The following ANPEP variants were observed in gnomAD, a reference collection of about 807,000 sequenced individuals.
ANPEP encodes alanyl aminopeptidase, membrane.
Under a neutral mutation model 114.6 loss-of-function variants are expected in ANPEP, and 70 were observed. The observed-to-expected ratio is 0.61, with a 90% CI of 0.50 to 0.75. ANPEP has a LOEUF of 0.75. Ranked by LOEUF, ANPEP falls within the 30% of genes least tolerant of loss-of-function variation. The pLI is 0.00. For missense variants in ANPEP, 1,184 were observed against 1,259.5 expected (o/e 0.94, Z 0.91); for synonymous variants, 548 against 522.3 (o/e 1.05, Z -0.67).
intron 10 of ANPEP, chr15:89,802,653 G>A (rs544941943): frequency 3.6e-4 from 59 of 164,170 alleles, no homozygotes. Flanking sequence ...AATGATGGGG[G>A]CAGGATGGAG....
chr15:89,798,364 C>T (rs749109684), intron 14 of ANPEP, among the ~76,000 whole-genome samples: 6 of 152,128 alleles, frequency 3.9e-5, no homozygotes, highest in African/African-American at 7.2e-5. Context: ...CAGCTGGGCA[C>T]GGTGGCTCAC....
At chr15:89,793,354 C>A (rs1330898990) in intron 15 of ANPEP, among the ~76,000 whole-genome samples, 1 of 152,112 alleles carries the variant, frequency 6.6e-6, no homozygotes, top group Non-Finnish European at 1.5e-5. Flanking sequence ...TCTTTGTCTA[C>A]GGGTCACCAT....
chr15:89,786,616 C>T (rs1278505158), intron 20 of ANPEP, among the ~76,000 whole-genome samples: 1 of 151,404 alleles, frequency 6.6e-6, no homozygotes, highest in African/African-American at 2.4e-5. Flanking sequence ...TCACCTGAGC[C>T]TGGGAAGTTG....
chr15:89,792,669 A>C, intron 16 of ANPEP, 107 bp from the exon 17 acceptor site: 1 of 1,003,706 alleles, frequency 1.0e-6, no homozygotes, highest in Non-Finnish European at 1.5e-6. Flanking sequence ...TCTGTGGCCT[A>C]ACTGGCCCTC....
intron 20 of ANPEP, 136 bp from the exon 21 acceptor site, chr15:89,785,637 C>T (rs1968494704): frequency 7.8e-7 from 1 of 1,280,810 alleles, no homozygotes; most frequent in Non-Finnish European, 1.1e-6. Flanking sequence ...CAGGGATAGG[C>T]AGGACGTCCA....
chr15:89,805,088 T>C lies in ANPEP; in HGVS notation c.887A>G (p.Asn296Ser), dbSNP rs770244062. Reference protein sequence around the residue: ...EFDYVEKQASNGVLIRIWARP... With the variant: ...EFDYVEKQASSGVLIRIWARP... ...GGCCCAGCCTCATACCAAGACACCA[T>C]TGGATGCCTGCTTCTCCACGTAGTC... The change falls in exon 4 of 21, where the codon AAT becomes AGT. Residue 296 changes from asparagine (N) to serine (S), a missense_variant. By Grantham distance (46) the Asn-to-Ser change is conservative. Coordinates refer to ENST00000300060, the MANE Select transcript of ANPEP (RefSeq NM_001150.3). 3.1e-6 allele frequency: 5 copies of C among 1,614,124 alleles called. 1 individual carries two copies. The South Asian group carries it at 3.3e-5, about 11-fold the overall frequency.
In ANPEP at chr15:89,806,411, T is replaced by C. The variant is rs756474209; in HGVS notation, c.173A>G (p.Asn58Ser). 3 of 1,613,194 alleles carry C rather than the reference T, an allele frequency of 1.9e-6. No homozygotes were observed. Among genetic ancestry groups the C allele is most frequent in the Non-Finnish European group, 2.5e-6 (3 of 1,179,746 alleles). The change falls in exon 2 of 21, where the codon AAC (asparagine) becomes AGC (serine). Residue 58 changes from asparagine to serine, a missense_variant. Coordinates refer to ENST00000300060, the MANE Select transcript of ANPEP (RefSeq NM_001150.3). This position sits in a 1 kb window ranked among gnomAD's most constrained non-coding sequence, Gnocchi z 5.7. Reference protein sequence around the residue: ...STTPSASATTNPASATTLDQS... With the variant: ...STTPSASATTSPASATTLDQS... Reference sequence around the variant, plus strand: ...GTCCAAGGTGGTGGCCGAGGCGGGGTTGGTGGTGGCTGAGGCGGACGGGGT... The same window carrying C: ...GTCCAAGGTGGTGGCCGAGGCGGGGCTGGTGGTGGCTGAGGCGGACGGGGT...
chr15:89,803,766 C>G lies in ANPEP; in HGVS notation c.1318G>C (p.Val440Leu). ...GCATCCACTGCCATCACGCGGTACACATCATTCAGCACCATGAGGTCTTTC... is the reference window on the plus strand; with the variant it reads ...GCATCCACTGCCATCACGCGGTACAGATCATTCAGCACCATGAGGTCTTTC... Reference protein sequence around the residue: ...NLKDLMVLNDVYRVMAVDALA... With the variant: ...NLKDLMVLNDLYRVMAVDALA... Residue 440 changes from valine to leucine, a missense_variant, in exon 8 of 21, where the codon GTG becomes CTG. Physicochemically the swap from Val to Leu is conservative, Grantham distance 32. Coordinates refer to ENST00000300060, the MANE Select transcript of ANPEP (RefSeq NM_001150.3). The surrounding 1 kb of genome is among the most constrained non-coding windows in gnomAD (Gnocchi z 4.2). The G allele has an allele frequency of 6.2e-7, 1 of 1,608,912 alleles. No homozygotes were observed.
In ANPEP at chr15:89,792,267, C is replaced by T. The variant is rs1828057536; in HGVS notation, c.2421G>A (p.Glu807=). Residue 807 remains glutamate (E), a synonymous_variant, in exon 18 of 21, where the codon GAG becomes GAA. Coordinates refer to ENST00000300060, the MANE Select transcript of ANPEP (RefSeq NM_001150.3). The part of the protein sequence containing the change: ...YCNAIAQGGE[E]EWDFAWEQFR... ...ACTGCTCCCAGGCGAAGTCCCACTC[C>T]TCCTCCCCGCCCTGGGCGATAGCGT... 6.2e-7 allele frequency: 1 copy of T among 1,614,132 alleles called. No individual in the cohort carries two copies. The highest frequency in any genetic ancestry group is 1.3e-5 in the African/African-American group (1 of 74,954).
At position 89,792,992 on chromosome 15, in the gene ANPEP, C is replaced by T. The variant is rs745933543; in HGVS notation, c.2249+43G>A. The T allele has an allele frequency of 3.0e-5, 46 of 1,538,016 alleles. 1 individual carries two copies. The highest frequency in any genetic ancestry group is 3.6e-5 in the Non-Finnish European group (40 of 1,111,782). On this transcript the variant is annotated intron_variant, in intron 16 of 20. Coordinates refer to ENST00000300060, the MANE Select transcript of ANPEP (RefSeq NM_001150.3). ...TGCCAGGATGTTGCTCTTGACTCCC[C>T]GGGGTGCCCAGGACTTCCAAACCCA...
At chr15:89,794,623 T>A (rs1263255073) in intron 15 of ANPEP, among the ~76,000 whole-genome samples, 2 of 150,456 alleles carry the variant, frequency 1.3e-5, no homozygotes, top group African/African-American at 5.0e-5. Flanking sequence ...AGTCCCCACT[T>A]CCCTCCTTGT....
At chr15:89,804,730 G>A in intron 4 of ANPEP, 113 bp from the exon 5 acceptor site, 1 of 1,440,840 alleles carries the variant, frequency 6.9e-7, no homozygotes, top group Non-Finnish European at 9.4e-7. Flanking sequence ...CAGGGCTGGA[G>A]GCCAATCAAG....
rs1894591051 is a variant in ANPEP at position 89,801,543 on chromosome 15, A to C, written c.1634T>G (p.Leu545Arg). ...TVRDIMNRWTLQMGFPVITVD... is the reference protein window; with the variant it reads ...TVRDIMNRWTRQMGFPVITVD... ...CGTGATGACCGGGAAGCCCATCTGC[A>C]GGGTCCAGCGGTTCATGATGTCCCG... is the stretch of plus-strand genomic sequence containing the variant. The change falls in exon 11 of 21, where the codon CTG (leucine) becomes CGG (arginine). Residue 545 changes from leucine to arginine, a missense_variant. Coordinates refer to ENST00000300060, the MANE Select transcript of ANPEP (RefSeq NM_001150.3). 1 of 1,614,072 alleles carries C rather than the reference A, an allele frequency of 6.2e-7. No individual in the cohort carries two copies.
At chr15:89,788,590 T>TGTTTG (rs1017941942) in intron 20 of ANPEP, among the ~76,000 whole-genome samples, 5 of 152,000 alleles carry the variant, frequency 3.3e-5, no homozygotes, top group African/African-American at 9.7e-5. Flanking sequence ...TCTGTTTGTT[T>TGTTTG]GTTTGGTTTG....
chr15:89,804,072 C>T, intron 6 of ANPEP, 70 bp from the exon 7 acceptor site: 1 of 1,576,132 alleles, frequency 6.3e-7, no homozygotes, highest in Non-Finnish European at 8.7e-7. Context: ...GAACTACCCT[C>T]CCCAGGGCTG....
Position 89,806,738 on chromosome 15 carries a change from G to C in ANPEP, c.-155C>G. 13 of 1,228,364 alleles carry C rather than the reference G, an allele frequency of 1.1e-5. No homozygotes were observed. Among genetic ancestry groups the C allele is most frequent in the Non-Finnish European group, 1.4e-5 (13 of 912,322 alleles). The allele number at this position is 1,228,364 out of a possible 1,614,324, so 76.1% of individuals were successfully genotyped here. A position where few individuals can be genotyped will look rare whatever the true frequency, so the allele number is the denominator to read the frequency against. On this transcript the variant is annotated 5_prime_UTR_variant, in exon 2 of 21. Coordinates refer to ENST00000300060, the MANE Select transcript of ANPEP (RefSeq NM_001150.3). This position sits in a 1 kb window ranked among gnomAD's most constrained non-coding sequence, Gnocchi z 5.7. Reference sequence around the variant, plus strand: ...CCAACAGGCGAAGGTCACTGGACTGGGCAGGGGCACGCTCCGCCTGGGGAG... The same window carrying C: ...CCAACAGGCGAAGGTCACTGGACTGCGCAGGGGCACGCTCCGCCTGGGGAG...
chr15:89,805,875 A>G, intron 2 of ANPEP, 95 bp downstream of exon 2: 1 of 1,493,042 alleles, frequency 6.7e-7, no homozygotes. Flanking sequence ...ACAGGGTTCA[A>G]AGGCCTGCAA....
At chr15:89,813,476 G>A (rs1022263364) in intron 1 of ANPEP, among the ~76,000 whole-genome samples, 2 of 152,168 alleles carry the variant, frequency 1.3e-5, no homozygotes, top group African/African-American at 4.8e-5. Context: ...CCTGTGAAGC[G>A]GGAGCAGCGC....
Position 89,790,520 on chromosome 15 carries a change from G to A in ANPEP, c.2691C>T (p.Ser897=). The A allele has an allele frequency of 6.2e-7, 1 of 1,614,038 alleles. No individual in the cohort carries two copies. The highest frequency in any genetic ancestry group is 8.5e-7 in the Non-Finnish European group (1 of 1,179,956). ...TCACTGCCTGGATGAGGTTGGAGAA[G>A]GAGAACGAGCCACCACCATAACTGC... ...LFNDYGGGSF[S]FSNLIQAVTR... is the part of the protein sequence containing the mutation. The change falls in exon 20 of 21, where the codon TCC becomes TCT. Residue 897 remains serine, a synonymous_variant. Coordinates refer to ENST00000300060, the MANE Select transcript of ANPEP (RefSeq NM_001150.3).
Sources: allele counts gnomAD v4.1 joint callset (sites outside exome capture counted in the v4.1 genomes callset), GRCh38; gene constraint gnomAD v4.1.1; non-coding constraint Gnocchi (gnomAD v3.1); transcripts MANE v1.5; gene names NCBI Gene and HGNC (gene_info 2026-07-23, HGNC 2026-07-21).